P4HA1: variants seen among roughly 807,000 people sequenced by gnomAD.
P4HA1 encodes the protein prolyl 4-hydroxylase subunit alpha-1.
In P4HA1, 24 loss-of-function variants were observed where a neutral mutation model predicts 72.8. The observed-to-expected ratio is 0.33, with a 90% CI of 0.24 to 0.46. The LOEUF is 0.46. Ranked by LOEUF, P4HA1 falls within the 20% of genes least tolerant of loss-of-function variation. P4HA1 has a pLI of 1.00. For missense variants in P4HA1, 446 were observed against 640.6 expected (o/e 0.70, Z 3.28); for synonymous variants, 201 against 218.8 (o/e 0.92, Z 0.72).
At chr10:73,039,041 C>G (rs1589595036) in intron 9 of P4HA1, among the ~76,000 whole-genome samples, 1 of 152,072 alleles carries the variant, frequency 6.6e-6, no homozygotes, top group East Asian at 1.9e-4. Context: ...GCCTGTAATA[C>G]CAATACTCTG....
At chr10:73,023,811 A>G (rs1344909416) in intron 10 of P4HA1, among the ~76,000 whole-genome samples, 1 of 151,182 alleles carries the variant, frequency 6.6e-6, no homozygotes, top group African/African-American at 2.4e-5. Flanking sequence ...ATGGAAAGAA[A>G]AAAAAAAAAA....
intron 10 of P4HA1, among the ~76,000 whole-genome samples, chr10:73,026,398 G>T (rs1840269832): frequency 6.6e-6 from 1 of 152,190 alleles, no homozygotes; most frequent in Admixed American, 6.5e-5. Context: ...AAACTGGCTA[G>T]CCATATGTAG....
At chr10:73,093,950 TTATA>T (rs1484910383) in intron 1 of P4HA1, among the ~76,000 whole-genome samples, 1 of 142,848 alleles carries the variant, frequency 7.0e-6, no homozygotes, top group African/African-American at 2.6e-5. Context: ...TTTGGATTTT[TTATA>T]TATATTCATA....
chr10:73,013,470 T>A (rs992543740), intron 12 of P4HA1, among the ~76,000 whole-genome samples: 1 of 152,234 alleles, frequency 6.6e-6, no homozygotes, highest in Non-Finnish European at 1.5e-5. Flanking sequence ...GCCTTCAAGA[T>A]ACCCCAGTGC....
Position 73,030,265 on chromosome 10 carries a change from AC to A in P4HA1, c.1248+5del. Reference sequence around the variant, plus strand: ...AAAATGACTTAAGGATAATGTGATTACCTACCTGTAATTCCTCTGCTGTGGA... The same window carrying A: ...AAAATGACTTAAGGATAATGTGATTACTACCTGTAATTCCTCTGCTGTGGA... On this transcript the variant is annotated splice_donor_5th_base_variant and intron_variant, in intron 10 of 14. Coordinates refer to ENST00000394890, the MANE Select transcript of P4HA1 (RefSeq NM_001017962.3). The A allele has an allele frequency of 2.1e-6, 3 of 1,435,486 alleles. No individual in the cohort carries two copies. The Admixed American group carries it at 5.5e-5, about 26-fold the overall frequency. 88.9% of individuals were successfully genotyped at this position (1,435,486 alleles called of 1,614,324 possible). A position where few individuals can be genotyped will look rare whatever the true frequency, so the allele number is the denominator to read the frequency against.
intron 1 of P4HA1, 120 bp downstream of exon 1, chr10:73,096,646 C>T (rs997360627): frequency 6.5e-6 from 1 of 153,258 alleles, no homozygotes; most frequent in Non-Finnish European, 1.5e-5. Context: ...CTGTGGTAAC[C>T]TGGGGAACCC....
intron 7 of P4HA1, 129 bp from the exon 8 acceptor site, chr10:73,047,230 A>C: frequency 1.4e-6 from 1 of 699,518 alleles, no homozygotes; most frequent in South Asian, 1.9e-5. Flanking sequence ...CATACAAAAG[A>C]AGCAGTACTC....
chr10:73,007,511 A>T lies in P4HA1; in HGVS notation c.*711T>A, dbSNP rs1427681982. On this transcript the variant is annotated 3_prime_UTR_variant, in exon 15 of 15. Coordinates refer to ENST00000394890, the MANE Select transcript of P4HA1 (RefSeq NM_001017962.3). ...TCATCTGTCATTTTAAAAAAGGGAT[A>T]AAAAAACAGGCTAAGTGGTGAGCAT... 2 of 152,490 alleles carry T rather than the reference A, an allele frequency of 1.3e-5. No individual in the cohort carries two copies. The highest frequency in any genetic ancestry group is 2.9e-5 in the Non-Finnish European group (2 of 68,016). The allele number at this position is 152,490 out of a possible 1,614,324, so 9.4% of individuals were successfully genotyped here.
At chr10:73,045,804 C>T (rs530148252) in intron 8 of P4HA1, among the ~76,000 whole-genome samples, 5 of 151,184 alleles carry the variant, frequency 3.3e-5, no homozygotes, top group Non-Finnish European at 7.4e-5. Context: ...GAATTAATTA[C>T]CTTGGATGGC....
chr10:73,051,171 G>A lies in P4HA1; in HGVS notation c.782C>T (p.Ser261Phe). ...IMAKEKDVNK[S>F]ASDDQSDQKT... ...CTGATCAGATTGGTCATCTGAAGCAGACTTATTGACATCTTTTTCTTTAGC... is the reference window on the plus strand; with the variant it reads ...CTGATCAGATTGGTCATCTGAAGCAAACTTATTGACATCTTTTTCTTTAGC... Residue 261 changes from serine to phenylalanine, a missense_variant, in exon 7 of 15, where the codon TCT becomes TTT. Transcript: ENST00000394890. 1 of 1,610,184 alleles carries A rather than the reference G, an allele frequency of 6.2e-7. No homozygotes were observed. Among genetic ancestry groups the A allele is most frequent in the Non-Finnish European group, 8.5e-7 (1 of 1,176,474 alleles).
Position 73,053,339 on chromosome 10 carries a change from C to A in P4HA1, c.703+12G>T, listed in dbSNP as rs1285525748. The A allele has an allele frequency of 6.2e-7, 1 of 1,612,904 alleles. No homozygotes were observed. The highest frequency in any genetic ancestry group is 8.5e-7 in the Non-Finnish European group (1 of 1,179,326). The stretch of plus-strand genomic sequence containing the variant: ...TATAACTATAACCTTAAATTAGGCC[C>A]AGATAACATACCTAGTTCAAGAAGC... On this transcript the variant is annotated intron_variant, in intron 6 of 14. Transcript: ENST00000394890.
intron 9 of P4HA1, among the ~76,000 whole-genome samples, chr10:73,039,069 C>T (rs991263457): frequency 7.2e-5 from 11 of 152,140 alleles, no homozygotes; most frequent in African/African-American, 9.6e-5. Flanking sequence ...CACTTGAGCC[C>T]GGGAGTTTGA....
At chr10:73,042,527 TA>T (rs1840760924) in intron 9 of P4HA1, among the ~76,000 whole-genome samples, 3 of 152,198 alleles carry the variant, frequency 2.0e-5, no homozygotes, top group Non-Finnish European at 2.9e-5. Context: ...TGGTAATTTC[TA>T]AAAAATGATT....
chr10:73,085,212 GAT>G (rs1318992607), intron 1 of P4HA1, among the ~76,000 whole-genome samples: 3 of 152,060 alleles, frequency 2.0e-5, no homozygotes. Context: ...TAGTTTCTTA[GAT>G]ATGACGCCTA....
At chr10:73,029,492 T>A (rs1388141664) in intron 10 of P4HA1, among the ~76,000 whole-genome samples, 5 of 149,724 alleles carry the variant, frequency 3.3e-5, no homozygotes, top group Non-Finnish European at 7.4e-5. Flanking sequence ...CACATTTTGA[T>A]AACTTCAAAA....
intron 10 of P4HA1, among the ~76,000 whole-genome samples, chr10:73,021,654 G>A (rs1840138068): frequency 6.6e-6 from 1 of 152,210 alleles, no homozygotes; most frequent in African/African-American, 2.4e-5. Flanking sequence ...AGTGGGTGCA[G>A]ACCATAGAGA....
intron 10 of P4HA1, 108 bp from the exon 11 acceptor site, chr10:73,017,007 T>C: frequency 1.4e-6 from 1 of 702,154 alleles, no homozygotes; most frequent in Non-Finnish European, 2.4e-6. Flanking sequence ...GTCAGGTATT[T>C]ACAGAGAAAT....
At chr10:73,023,253 C>T (rs1346937004) in intron 10 of P4HA1, among the ~76,000 whole-genome samples, 2 of 152,138 alleles carry the variant, frequency 1.3e-5, no homozygotes, top group African/African-American at 4.8e-5. Flanking sequence ...AGAGAAAGGT[C>T]GGGTTACCCA....
At chr10:73,017,877 AAC>A (rs1455032765) in intron 10 of P4HA1, among the ~76,000 whole-genome samples, 2 of 152,372 alleles carry the variant, frequency 1.3e-5, no homozygotes, top group African/African-American at 4.8e-5. Flanking sequence ...TCAATCACAC[AAC>A]ACAATAAAAT....
Sources: allele counts gnomAD v4.1 joint callset (sites outside exome capture counted in the v4.1 genomes callset), GRCh38; gene constraint gnomAD v4.1.1; transcripts MANE v1.5; gene names NCBI Gene and HGNC (gene_info 2026-07-23, HGNC 2026-07-21).